The following FAR2 variants were observed in gnomAD, a reference collection of about 807,000 sequenced individuals.
FAR2 encodes fatty acyl-CoA reductase 2.
FAR2 carries 19 observed loss-of-function variants against 56.0 expected under a neutral mutation model. The observed-to-expected ratio is 0.34, with a 90% CI of 0.24 to 0.50. FAR2 has a LOEUF of 0.50. FAR2 is among the 20% of genes least tolerant of loss of function. The pLI, the probability that FAR2 is intolerant of heterozygous loss-of-function variation, is 0.98. For synonymous variants in FAR2, 219 were observed against 218.8 expected (o/e 1.00, Z -0.01); for missense variants, 508 against 642.2 (o/e 0.79, Z 2.26).
intron 1 of FAR2, among the ~76,000 whole-genome samples, chr12:29,203,706 G>A (rs183233583): frequency 4.6e-5 from 7 of 152,210 alleles, no homozygotes; most frequent in East Asian, 1.9e-4. Flanking sequence ...TCAGGTAGAT[G>A]AAAATTATGT....
intron 1 of FAR2, among the ~76,000 whole-genome samples, chr12:29,201,262 C>A (rs987118973): frequency 1.3e-5 from 2 of 152,172 alleles, no homozygotes; most frequent in African/African-American, 4.8e-5. Flanking sequence ...GAATTACAGT[C>A]TTTTCTTTAG....
chr12:29,180,376 T>G (rs1949980513), intron 1 of FAR2, among the ~76,000 whole-genome samples: 1 of 152,172 alleles, frequency 6.6e-6, no homozygotes, highest in Non-Finnish European at 1.5e-5. Flanking sequence ...AAAATGCCTC[T>G]GAGTTCTTTG....
At chr12:29,253,337 C>CGA (rs1948261573) in intron 1 of FAR2, among the ~76,000 whole-genome samples, 1 of 141,826 alleles carries the variant, frequency 7.1e-6, no homozygotes. Context: ...AGATAGATAT[C>CGA]TATATATCTA....
chr12:29,215,200 T>C (rs1055387065), intron 1 of FAR2, among the ~76,000 whole-genome samples: 15 of 152,182 alleles, frequency 9.9e-5, no homozygotes, highest in African/African-American at 3.6e-4. Flanking sequence ...TACATTTCAT[T>C]TGATTAACAA....
At chr12:29,262,361 T>C (rs963347063) in intron 1 of FAR2, among the ~76,000 whole-genome samples, 7 of 152,226 alleles carry the variant, frequency 4.6e-5, no homozygotes, top group African/African-American at 1.7e-4. Context: ...CTTGGCGTGG[T>C]GGCTCATGCC....
chr12:29,152,295 T>A (rs1241822183), intron 1 of FAR2, among the ~76,000 whole-genome samples: 2 of 152,364 alleles, frequency 1.3e-5, no homozygotes, highest in East Asian at 3.9e-4. Context: ...GATCAAGTCA[T>A]CCTTTAAAAT....
At chr12:29,283,216 A>C (rs1363026707) in intron 2 of FAR2, among the ~76,000 whole-genome samples, 1 of 152,210 alleles carries the variant, frequency 6.6e-6, no homozygotes, top group Non-Finnish European at 1.5e-5. Flanking sequence ...AAAGCCTTGT[A>C]ATATATTGGT....
intron 1 of FAR2, among the ~76,000 whole-genome samples, chr12:29,226,275 A>C (rs1947767396): frequency 6.6e-6 from 1 of 152,228 alleles, no homozygotes; most frequent in Non-Finnish European, 1.5e-5. Context: ...GAGTAAAAAA[A>C]TTGTGAGCAA....
At chr12:29,214,792 G>A (rs932608056) in intron 1 of FAR2, among the ~76,000 whole-genome samples, 2 of 151,862 alleles carry the variant, frequency 1.3e-5, no homozygotes, top group Non-Finnish European at 2.9e-5. Context: ...TTGCATTCCA[G>A]CCTGGGCAAC....
chr12:29,182,346 T>C (rs1949999875), intron 1 of FAR2, among the ~76,000 whole-genome samples: 1 of 152,218 alleles, frequency 6.6e-6, no homozygotes, highest in South Asian at 2.1e-4. Context: ...TGCTGATTGG[T>C]CCATTTTATA....
intron 1 of FAR2, among the ~76,000 whole-genome samples, chr12:29,229,784 A>G (rs1947826781): frequency 6.6e-6 from 1 of 152,216 alleles, no homozygotes; most frequent in African/African-American, 2.4e-5. Context: ...TCACAAAAAA[A>G]GAGTATATGG....
At chr12:29,181,636 T>C (rs563410888) in intron 1 of FAR2, among the ~76,000 whole-genome samples, 1 of 152,352 alleles carries the variant, frequency 6.6e-6, no homozygotes, top group South Asian at 2.1e-4. Flanking sequence ...TCAGCTCCTC[T>C]TTCCCTACTG....
At chr12:29,163,056 T>C (rs527418485) in intron 1 of FAR2, among the ~76,000 whole-genome samples, 1 of 152,304 alleles carries the variant, frequency 6.6e-6, no homozygotes, top group Admixed American at 6.5e-5. Flanking sequence ...TGTGAGAGTT[T>C]GGCAGATAGG....
At chr12:29,294,538 C>T (rs1027447277) in intron 3 of FAR2, among the ~76,000 whole-genome samples, 4 of 152,056 alleles carry the variant, frequency 2.6e-5, no homozygotes, top group South Asian at 2.1e-4. Flanking sequence ...TTAGTAGAGA[C>T]GGAGTTTCAT....
chr12:29,299,213 C>CAAAAA (rs71042981), intron 4 of FAR2, among the ~76,000 whole-genome samples: 6 of 103,556 alleles, frequency 5.8e-5, no homozygotes, highest in East Asian at 2.6e-4. Context: ...AACTTTGTCT[C>CAAAAA]AAAAAAAAAA....
chr12:29,193,864 C>T (rs1027687949), intron 1 of FAR2, among the ~76,000 whole-genome samples: 2 of 150,580 alleles, frequency 1.3e-5, no homozygotes, highest in African/African-American at 4.9e-5. Context: ...GTATTCCCAC[C>T]ATTAATGAAT....
chr12:29,155,278 C>G (rs150708297), intron 1 of FAR2, among the ~76,000 whole-genome samples: 1 of 152,268 alleles, frequency 6.6e-6, no homozygotes, highest in Non-Finnish European at 1.5e-5. Flanking sequence ...TAAGCCATCC[C>G]CTGCAGGGCA....
intron 1 of FAR2, among the ~76,000 whole-genome samples, chr12:29,174,847 C>T (rs532829365): frequency 9.2e-5 from 14 of 152,288 alleles, no homozygotes; most frequent in Middle Eastern, 3.4e-3. Context: ...CTCACTTGGG[C>T]GATGTGACTT....
intron 2 of FAR2, among the ~76,000 whole-genome samples, chr12:29,271,875 G>A (rs1488146887): frequency 3.3e-5 from 5 of 152,144 alleles, no homozygotes; most frequent in Non-Finnish European, 7.3e-5. Flanking sequence ...GGGAAACTGA[G>A]GCCTGAAGCT....
Sources: gnomAD v4.1 joint callset for allele counts (sites outside exome capture counted in the v4.1 genomes callset) on GRCh38, gnomAD v4.1.1 for gene constraint, MANE v1.5 for transcripts, NCBI Gene and HGNC (gene_info 2026-07-23, HGNC 2026-07-21) for gene names.